Variants in CHCHD3 observed in about 807,000 individuals in gnomAD.
CHCHD3 encodes coiled-coil-helix-coiled-coil-helix domain containing 3.
Under a neutral mutation model 38.2 loss-of-function variants are expected in CHCHD3, and 20 were observed. The ratio of observed to expected loss-of-function variants is 0.52; its 90% CI spans 0.37 to 0.76. The LOEUF is 0.76. Among genes scored for constraint, CHCHD3 ranks in the 30% least tolerant of loss-of-function variants. CHCHD3 has a pLI of 0.00. For missense variants in CHCHD3, 245 were observed against 279.2 expected (o/e 0.88, Z 0.87); for synonymous variants, 82 against 100.0 (o/e 0.82, Z 1.07).
chr7:132,903,154 C>T (rs532546665), intron 4 of CHCHD3, among the ~76,000 whole-genome samples: 49 of 152,340 alleles, frequency 3.2e-4, no homozygotes, highest in Middle Eastern at 3.4e-3. Context: ...CCCAAATCCA[C>T]AAACGCTCAA....
chr7:133,035,145 G>A lies in CHCHD3; in HGVS notation c.170-10518C>T, dbSNP rs749207824. On this transcript the variant is annotated intron_variant, in intron 2 of 7. Transcript: ENST00000262570. The surrounding 1 kb of genome is among the most constrained non-coding windows in gnomAD (Gnocchi z 4.7). Reference sequence around the variant, plus strand: ...CTCACATTCATCCATCTCCTCCTCAGGAGCAGGGGCAGCCGCCTTTTTCTC... The same window carrying A: ...CTCACATTCATCCATCTCCTCCTCAAGAGCAGGGGCAGCCGCCTTTTTCTC... 6.2e-7 allele frequency: 1 copy of A among 1,612,996 alleles called. No homozygotes were observed. Among genetic ancestry groups the A allele is most frequent in the South Asian group, 1.1e-5 (1 of 91,076 alleles).
Position 133,070,131 on chromosome 7 carries a change from T to C in CHCHD3, c.169+11A>G, listed in dbSNP as rs1273351732. Reference sequence around the variant, plus strand: ...TCTCCTAAAAACCCTAAAATTAAAATTCAGCAATACCTGAGGCACCATAAG... The same window carrying C: ...TCTCCTAAAAACCCTAAAATTAAAACTCAGCAATACCTGAGGCACCATAAG... On this transcript the variant is annotated intron_variant, in intron 2 of 7. Transcript: ENST00000262570. 1 of 1,595,910 alleles carries C rather than the reference T, an allele frequency of 6.3e-7. No homozygotes were observed. Among genetic ancestry groups the C allele is most frequent in the Non-Finnish European group, 8.5e-7 (1 of 1,174,444 alleles).
chr7:132,818,018 A>G (rs1032024017), intron 6 of CHCHD3, among the ~76,000 whole-genome samples: 2 of 152,216 alleles, frequency 1.3e-5, no homozygotes, highest in Admixed American at 6.5e-5. Flanking sequence ...TTATATTGCT[A>G]TGAGGGCCCA....
chr7:133,043,219 T>TA (rs1259167172), intron 2 of CHCHD3, among the ~76,000 whole-genome samples: 3 of 152,318 alleles, frequency 2.0e-5, no homozygotes, highest in African/African-American at 7.2e-5. Context: ...TATATCAAGA[T>TA]AAAATTTAAC....
intron 2 of CHCHD3, among the ~76,000 whole-genome samples, chr7:133,047,501 T>A (rs1176297215): frequency 6.6e-6 from 1 of 152,222 alleles, no homozygotes; most frequent in Non-Finnish European, 1.5e-5. Context: ...CATGACTTTG[T>A]CCTTACCACA....
chr7:132,862,677 C>T (rs539376581), intron 5 of CHCHD3, among the ~76,000 whole-genome samples: 1 of 152,308 alleles, frequency 6.6e-6, no homozygotes, highest in East Asian at 1.9e-4. Context: ...ATAGCATTTA[C>T]ATAGAGTAAA....
At chr7:132,977,475 T>C (rs1348622255) in intron 3 of CHCHD3, among the ~76,000 whole-genome samples, 1 of 152,222 alleles carries the variant, frequency 6.6e-6, no homozygotes, top group African/African-American at 2.4e-5. Flanking sequence ...AAATAACTGC[T>C]GAGGTTATCA....
At position 132,894,784 on chromosome 7, in the gene CHCHD3, T is replaced by A. The variant is rs533956662; in HGVS notation, c.370-9039A>T. ...ATCTGTCCTAATGTCTACGATTTAG[T>A]TCAAACTACCACATGATATACAGTG... On this transcript the variant is annotated intron_variant, in intron 4 of 7. Transcript: ENST00000262570. Among the ~76,000 whole-genome samples, 5 of 152,338 alleles carry A rather than the reference T, an allele frequency of 3.3e-5. No individual in the cohort carries two copies. The South Asian group carries it at 1.0e-3, about 32-fold the overall frequency.
chr7:132,975,925 T>A (rs1158766147), intron 3 of CHCHD3, among the ~76,000 whole-genome samples: 7 of 140,480 alleles, frequency 5.0e-5, no homozygotes, highest in South Asian at 4.7e-4. Flanking sequence ...AGACTCCGTT[T>A]AAAAAAAAAA....
intron 5 of CHCHD3, among the ~76,000 whole-genome samples, chr7:132,864,172 G>A (rs1165735117): frequency 3.9e-5 from 6 of 152,132 alleles, no homozygotes; most frequent in South Asian, 2.1e-4. Flanking sequence ...TCTAGCTTTT[G>A]ATTTAAAGAA....
chr7:133,082,047 A>C lies in CHCHD3; in HGVS notation c.-110T>G. ...CTGGATTCTTTTCCCGCACAGCGGGAGCAAGGCCACGACCCCCAGAAGCAA... is the reference window on the plus strand; with the variant it reads ...CTGGATTCTTTTCCCGCACAGCGGGCGCAAGGCCACGACCCCCAGAAGCAA... On this transcript the variant is annotated 5_prime_UTR_variant, in exon 1 of 8. Transcript: ENST00000262570. 9.8e-7 allele frequency: 1 copy of C among 1,023,992 alleles called. No individual in the cohort carries two copies. Among genetic ancestry groups the C allele is most frequent in the Non-Finnish European group, 1.4e-6 (1 of 720,730 alleles). The allele number at this position is 1,023,992 out of a possible 1,614,324, so 63.4% of individuals were successfully genotyped here.
At chr7:133,008,012 T>C (rs1812747725) in intron 3 of CHCHD3, among the ~76,000 whole-genome samples, 1 of 152,188 alleles carries the variant, frequency 6.6e-6, no homozygotes, top group Non-Finnish European at 1.5e-5. Context: ...CCTCTTAATA[T>C]CTGTTATGTT....
At chr7:132,862,937 G>A (rs982664763) in intron 5 of CHCHD3, among the ~76,000 whole-genome samples, 1 of 152,138 alleles carries the variant, frequency 6.6e-6, no homozygotes, top group South Asian at 2.1e-4. Flanking sequence ...CTTCTAATTC[G>A]AGTTCTGTTG....
At chr7:132,808,825 G>A (rs867944081) in intron 6 of CHCHD3, among the ~76,000 whole-genome samples, 120 of 151,080 alleles carry the variant, frequency 7.9e-4, no homozygotes, top group African/African-American at 2.7e-3. Context: ...ATGCTGGTAC[G>A]CTGCACCCAC....
intron 3 of CHCHD3, among the ~76,000 whole-genome samples, chr7:133,019,913 C>CT (rs1310781369): frequency 1.3e-5 from 2 of 152,034 alleles, no homozygotes; most frequent in African/African-American, 2.4e-5. Flanking sequence ...ATATTATGTC[C>CT]TTGCTATATT....
chr7:133,070,304 A>G, intron 1 of CHCHD3, 75 bp from the exon 2 acceptor site: 3 of 1,225,826 alleles, frequency 2.4e-6, no homozygotes, highest in Non-Finnish European at 3.6e-6. Flanking sequence ...CATCCAAGTA[A>G]TTTAGTCATC....
intron 2 of CHCHD3, among the ~76,000 whole-genome samples, chr7:133,033,606 CAGAT>C (rs1328739293): frequency 1.8e-4 from 27 of 152,256 alleles, no homozygotes; most frequent in East Asian, 1.2e-3. Context: ...TGTATGACCA[CAGAT>C]AGATAGTCAC....
At chr7:133,033,937 A>T (rs1193138040) in intron 2 of CHCHD3, among the ~76,000 whole-genome samples, 1 of 128,282 alleles carries the variant, frequency 7.8e-6, no homozygotes, top group African/African-American at 3.4e-5. Context: ...TGCAACCTAA[A>T]CACTCCAGGT....
At chr7:132,815,311 C>T (rs1014464607) in intron 6 of CHCHD3, among the ~76,000 whole-genome samples, 1 of 152,128 alleles carries the variant, frequency 6.6e-6, no homozygotes. Flanking sequence ...AAGGCCTTTG[C>T]CCAGGAGACT....
Sources: gnomAD v4.1 joint callset for allele counts (sites outside exome capture counted in the v4.1 genomes callset) on GRCh38, gnomAD v4.1.1 for gene constraint, Gnocchi (gnomAD v3.1) non-coding constraint, MANE v1.5 for transcripts, NCBI Gene and HGNC (gene_info 2026-07-23, HGNC 2026-07-21) for gene names.